Variants in BCAS3 observed in about 807,000 individuals in gnomAD.
BCAS3 encodes BCAS3 microtubule associated cell migration factor, also known as BCAS4/BCAS3 fusion.
BCAS3 carries 53 observed loss-of-function variants against 116.1 expected under a neutral mutation model. That is an observed-to-expected ratio of 0.46 (90% CI 0.37 to 0.57). BCAS3 has a LOEUF of 0.57. BCAS3 is among the 20% of genes least tolerant of loss of function. The pLI is 0.00. For synonymous variants in BCAS3, 391 were observed against 408.2 expected (o/e 0.96, Z 0.51); for missense variants, 917 against 1,165.4 (o/e 0.79, Z 3.10).
chr17:61,380,367 C>A lies in BCAS3; in HGVS notation c.2594-11610C>A. On this transcript the variant is annotated intron_variant, in intron 23 of 23. Coordinates refer to ENST00000407086, the MANE Select transcript of BCAS3 (RefSeq NM_017679.5). The surrounding 1 kb of genome is among the most constrained non-coding windows in gnomAD (Gnocchi z 4.2). ...ACCCTAGATGTGCTGTGCCTGGGAA[C>A]AGACCATGAACACCCCCGCAAAGCT... 1 of 722,448 alleles carries A rather than the reference C, an allele frequency of 1.4e-6. No individual in the cohort carries two copies. The highest frequency in any genetic ancestry group is 2.4e-6 in the Non-Finnish European group (1 of 419,068). The allele number at this position is 722,448 out of a possible 1,614,324, so 44.8% of individuals were successfully genotyped here.
intron 12 of BCAS3, among the ~76,000 whole-genome samples, chr17:60,917,392 A>G (rs1240576193): frequency 1.3e-5 from 2 of 152,158 alleles, no homozygotes; most frequent in Non-Finnish European, 2.9e-5. Flanking sequence ...GGTATATCAC[A>G]TAGTGCAATC....
At chr17:61,383,997 G>A (rs1202859061) in intron 23 of BCAS3, 1 of 152,308 alleles carries the variant, frequency 6.6e-6, no homozygotes. Flanking sequence ...GCAGGTCAAG[G>A]CCAGCTGCCA....
chr17:60,893,209 G>A (rs888145557), intron 10 of BCAS3, among the ~76,000 whole-genome samples: 3 of 151,934 alleles, frequency 2.0e-5, no homozygotes, highest in South Asian at 2.1e-4. Flanking sequence ...TTACTCTATC[G>A]ATTATTTCTT....
chr17:60,685,450 CAAAAAAA>C (rs1204965872), intron 3 of BCAS3, among the ~76,000 whole-genome samples: 1 of 54,376 alleles, frequency 1.8e-5, no homozygotes. Context: ...AACTCCGTCT[CAAAAAAA>C]AAAAAAAAAA....
chr17:60,908,694 G>C (rs1285313557), intron 11 of BCAS3, among the ~76,000 whole-genome samples: 1 of 152,086 alleles, frequency 6.6e-6, no homozygotes, highest in African/African-American at 2.4e-5. Context: ...TTTTATAATC[G>C]CGGGAGTTTG....
At position 61,084,896 on chromosome 17, in the gene BCAS3, A is replaced by G. The variant is rs928259928; in HGVS notation, c.2425+332A>G. On this transcript the variant is annotated intron_variant, in intron 22 of 23. Transcript: ENST00000407086. This position sits in a 1 kb window ranked among gnomAD's most constrained non-coding sequence, Gnocchi z 5.5. Reference sequence around the variant, plus strand: ...TTGACAGAGAACGTAAATACAATCTATGGATTCAATTTACTCAACCTGTTG... The same window carrying G: ...TTGACAGAGAACGTAAATACAATCTGTGGATTCAATTTACTCAACCTGTTG... 6.6e-6 allele frequency among the ~76,000 whole-genome samples: 1 copy of G among 152,240 alleles called. No homozygotes were observed.
intron 15 of BCAS3, chr17:61,003,944 T>G (rs1391790939): frequency 6.6e-6 from 1 of 152,166 alleles, no homozygotes; most frequent in Admixed American, 6.6e-5. Context: ...GTAGGTCTTT[T>G]CATGTACGCT....
At chr17:60,749,474 G>T (rs1359959250) in intron 6 of BCAS3, among the ~76,000 whole-genome samples, 4 of 152,020 alleles carry the variant, frequency 2.6e-5, no homozygotes, top group African/African-American at 7.3e-5. Flanking sequence ...ATGCAAGTCT[G>T]GTATTTTGAT....
chr17:60,972,656 T>G (rs2062038326), intron 14 of BCAS3, among the ~76,000 whole-genome samples: 1 of 152,078 alleles, frequency 6.6e-6, no homozygotes, highest in South Asian at 2.1e-4. Context: ...GTTGCTATGT[T>G]GCCCAGGCTG....
At chr17:61,030,493 C>A (rs2066555805) in intron 16 of BCAS3, among the ~76,000 whole-genome samples, 2 of 151,988 alleles carry the variant, frequency 1.3e-5, no homozygotes, top group Non-Finnish European at 2.9e-5. Context: ...AAATGGGGAA[C>A]TTTAGTAGCC....
At chr17:61,076,281 A>G (rs906523873) in intron 20 of BCAS3, among the ~76,000 whole-genome samples, 1 of 152,210 alleles carries the variant, frequency 6.6e-6, no homozygotes, top group African/African-American at 2.4e-5. Flanking sequence ...AGGTGCCTCA[A>G]AAATGTGGAG....
chr17:61,005,986 C>G (rs577262009), intron 15 of BCAS3, among the ~76,000 whole-genome samples: 231 of 151,954 alleles, frequency 1.5e-3, no homozygotes, highest in Middle Eastern at 6.8e-3. Context: ...TGTGATGTTC[C>G]CTTTCCTGTG....
At chr17:61,268,948 T>C (rs1345186456) in intron 22 of BCAS3, among the ~76,000 whole-genome samples, 3 of 152,138 alleles carry the variant, frequency 2.0e-5, no homozygotes, top group Non-Finnish European at 4.4e-5. Flanking sequence ...ATTTCCTTTT[T>C]TTTTAAGGCT....
rs997402516 is a variant in BCAS3, at chr17:61,215,027, C to G, written c.2425+130463C>G. Among the ~76,000 whole-genome samples the G allele has an allele frequency of 8.5e-5, 13 of 152,180 alleles. No homozygotes were observed. Among genetic ancestry groups the G allele is most frequent in the Non-Finnish European group, 1.9e-4 (13 of 68,030 alleles). On this transcript the variant is annotated intron_variant, in intron 22 of 23. Coordinates refer to ENST00000407086, the MANE Select transcript of BCAS3 (RefSeq NM_017679.5). This position sits in a 1 kb window ranked among gnomAD's most constrained non-coding sequence, Gnocchi z 4.8. ...AGAACTAATCAGGATCTCTTTTGAT[C>G]ACTGGAGCAGATAAGCAGGAAATAT...
chr17:60,975,299 C>T (rs908500281), intron 14 of BCAS3, among the ~76,000 whole-genome samples: 10 of 152,306 alleles, frequency 6.6e-5, no homozygotes, highest in African/African-American at 2.4e-4. Context: ...CCGCGCCCGG[C>T]CTCAAGCCAT....
rs1488340788 is a variant in BCAS3 at position 61,189,500 on chromosome 17, A to C, written c.2425+104936A>C. On this transcript the variant is annotated intron_variant, in intron 22 of 23. Transcript: ENST00000407086. The surrounding 1 kb of genome is among the most constrained non-coding windows in gnomAD (Gnocchi z 4.5). ...GTGACAGCGTCAGACTTGCATTTTA[A>C]ATGTAATTTGGGAGCTGTAGAGAGA... 3.9e-5 allele frequency among the ~76,000 whole-genome samples: 6 copies of C among 152,174 alleles called. No homozygotes were observed. The highest frequency in any genetic ancestry group is 1.4e-4 in the African/African-American group (6 of 41,436).
intron 2 of BCAS3, among the ~76,000 whole-genome samples, chr17:60,681,378 T>A (rs2143795496): frequency 6.6e-6 from 1 of 151,582 alleles, no homozygotes; most frequent in East Asian, 2.0e-4. Context: ...CAATAGCCTG[T>A]AATCCCAGCT....
intron 14 of BCAS3, among the ~76,000 whole-genome samples, chr17:60,953,484 A>C (rs1311349053): frequency 3.3e-5 from 5 of 151,794 alleles, no homozygotes; most frequent in Non-Finnish European, 7.4e-5. Context: ...TGAGATGCAT[A>C]GTTTGCAGAT....
At chr17:60,896,937 G>C (rs2145038268) in intron 10 of BCAS3, among the ~76,000 whole-genome samples, 1 of 152,114 alleles carries the variant, frequency 6.6e-6, no homozygotes, top group African/African-American at 2.4e-5. Context: ...GTTATGGTTT[G>C]GTGGATTTCT....
Sources: allele counts gnomAD v4.1 joint callset (sites outside exome capture counted in the v4.1 genomes callset), GRCh38; gene constraint gnomAD v4.1.1; non-coding constraint Gnocchi (gnomAD v3.1); transcripts MANE v1.5; gene names NCBI Gene and HGNC (gene_info 2026-07-23, HGNC 2026-07-21).